Variants in MAGI1 observed in about 807,000 individuals in gnomAD.
The protein encoded by MAGI1 is membrane-associated guanylate kinase, WW and PDZ domain-containing protein 1.
Under a neutral mutation model 139.9 loss-of-function variants are expected in MAGI1, and 58 were observed. The observed-to-expected ratio is 0.41, with a 90% CI of 0.34 to 0.52. MAGI1 has a LOEUF of 0.52. Among genes scored for constraint, MAGI1 ranks in the 20% least tolerant of loss-of-function variants. The pLI, the probability that MAGI1 is intolerant of heterozygous loss-of-function variation, is 0.12. For synonymous variants in MAGI1, 812 were observed against 737.9 expected (o/e 1.10, Z -1.63); for missense variants, 1,874 against 1,901.6 (o/e 0.99, Z 0.27).
chr3:65,818,467 G>A (rs941154230), intron 1 of MAGI1, among the ~76,000 whole-genome samples: 4 of 152,168 alleles, frequency 2.6e-5, no homozygotes, highest in South Asian at 2.1e-4. Context: ...CAACCCAGAC[G>A]TGGGAGAAAG....
intron 1 of MAGI1, among the ~76,000 whole-genome samples, chr3:65,733,182 C>A (rs2034363780): frequency 6.6e-6 from 1 of 152,142 alleles, no homozygotes; most frequent in Non-Finnish European, 1.5e-5. Context: ...CCTCAGCCTC[C>A]CGAGTAGCTG....
chr3:65,720,030 T>A (rs1015726401), intron 1 of MAGI1: 1 of 152,180 alleles, frequency 6.6e-6, no homozygotes, highest in African/African-American at 2.4e-5. Flanking sequence ...GTATCTCAAT[T>A]TCTTGTGTTT....
intron 2 of MAGI1, among the ~76,000 whole-genome samples, chr3:65,604,615 C>A (rs1298502480): frequency 6.6e-6 from 1 of 151,956 alleles, no homozygotes; most frequent in Non-Finnish European, 1.5e-5. Context: ...CTTATAAGAA[C>A]CTTTGATTTC....
At chr3:65,925,046 T>G (rs2062424871) in intron 1 of MAGI1, 1 of 152,158 alleles carries the variant, frequency 6.6e-6, no homozygotes, top group South Asian at 2.1e-4. Flanking sequence ...TTTCTATCAC[T>G]GGGGGAGCTC....
At chr3:65,973,945 G>T (rs2065128303) in intron 1 of MAGI1, among the ~76,000 whole-genome samples, 1 of 152,062 alleles carries the variant, frequency 6.6e-6, no homozygotes, top group African/African-American at 2.4e-5. Context: ...AAATGCTGAT[G>T]CCATAAAATA....
At chr3:65,525,683 G>A (rs952226035) in intron 2 of MAGI1, among the ~76,000 whole-genome samples, 3 of 152,154 alleles carry the variant, frequency 2.0e-5, no homozygotes, top group African/African-American at 7.2e-5. Context: ...CCCCTGAGTT[G>A]TAAAAATTTA....
chr3:65,967,916 G>A (rs937073518), intron 1 of MAGI1, among the ~76,000 whole-genome samples: 5 of 152,154 alleles, frequency 3.3e-5, no homozygotes, highest in Admixed American at 2.6e-4. Context: ...AGTCTGCAGC[G>A]GTAATGCCCA....
rs57578782 is a variant in MAGI1, at chr3:65,929,153, C to CAA, written c.313+108841_313+108842dup. Among the ~76,000 whole-genome samples, 213 of 149,844 alleles carry CAA rather than the reference C, an allele frequency of 1.4e-3. 2 individuals are homozygous for CAA. The highest frequency in any genetic ancestry group is 4.5e-3 in the African/African-American group (183 of 40,874). On this transcript the variant is annotated intron_variant, in intron 1 of 22. Coordinates refer to ENST00000402939, the MANE Select transcript of MAGI1 (RefSeq NM_001033057.2). ...TGAGTGACAAAGGGAGACAATGCCG[C>CAA]AAAAAAAAAGAAAAAAGAAAAAAAC...
intron 22 of MAGI1, chr3:65,359,087 G>A (rs1553694678): frequency 6.2e-7 from 1 of 1,614,094 alleles, no homozygotes; most frequent in Admixed American, 1.7e-5. Context: ...TGGCCCATAA[G>A]GTAGAAGCAA....
intron 1 of MAGI1, among the ~76,000 whole-genome samples, chr3:65,705,898 A>T (rs896433959): frequency 6.6e-6 from 1 of 152,216 alleles, no homozygotes; most frequent in Non-Finnish European, 1.5e-5. Flanking sequence ...TTGGCAAAAT[A>T]AATTCTTATG....
chr3:65,962,893 T>G (rs1576279802), intron 1 of MAGI1, among the ~76,000 whole-genome samples: 1 of 100,778 alleles, frequency 9.9e-6, no homozygotes, highest in African/African-American at 3.9e-5. Flanking sequence ...AAAAAGAAAG[T>G]CACAAAAAAA....
intron 2 of MAGI1, among the ~76,000 whole-genome samples, chr3:65,575,593 G>A (rs183761115): frequency 6.2e-4 from 94 of 152,224 alleles, no homozygotes; most frequent in African/African-American, 2.2e-3. Flanking sequence ...AGCTTAATCT[G>A]TAATAGACAA....
chr3:65,946,435 T>C (rs1236087782), intron 1 of MAGI1, among the ~76,000 whole-genome samples: 1 of 152,172 alleles, frequency 6.6e-6, no homozygotes, highest in African/African-American at 2.4e-5. Flanking sequence ...TTACATCCTG[T>C]TTTGGTCCCT....
intron 1 of MAGI1, among the ~76,000 whole-genome samples, chr3:65,663,493 G>C (rs553650881): frequency 6.6e-6 from 1 of 152,266 alleles, no homozygotes; most frequent in African/African-American, 2.4e-5. Flanking sequence ...CGGAGAAGAG[G>C]AGTCAAATGT....
At chr3:65,462,022 C>T (rs1949830403) in intron 5 of MAGI1, among the ~76,000 whole-genome samples, 1 of 152,048 alleles carries the variant, frequency 6.6e-6, no homozygotes, top group South Asian at 2.1e-4. Flanking sequence ...TGGATGTTAG[C>T]CCTTTGAATG....
intron 4 of MAGI1, among the ~76,000 whole-genome samples, chr3:65,474,816 C>T (rs1287204311): frequency 6.6e-6 from 1 of 152,132 alleles, no homozygotes; most frequent in Non-Finnish European, 1.5e-5. Context: ...ATTTAAAACA[C>T]AAATAGCATA....
At chr3:65,469,723 G>A (rs1405528507) in intron 5 of MAGI1, 1 of 151,602 alleles carries the variant, frequency 6.6e-6, no homozygotes, top group African/African-American at 2.4e-5. Context: ...ACTGATAAAT[G>A]AGACTTTATC....
At chr3:65,486,616 T>C (rs1482336891) in intron 3 of MAGI1, among the ~76,000 whole-genome samples, 1 of 152,246 alleles carries the variant, frequency 6.6e-6, no homozygotes, top group East Asian at 1.9e-4. Flanking sequence ...TTGTCTTCTT[T>C]ACCTTGCTTT....
chr3:65,618,147 AT>A (rs2083470192), intron 2 of MAGI1, among the ~76,000 whole-genome samples: 1 of 152,172 alleles, frequency 6.6e-6, no homozygotes, highest in Admixed American at 6.5e-5. Context: ...ATATGTACTC[AT>A]TTATAAGAAG....
Sources: allele counts gnomAD v4.1 joint callset (sites outside exome capture counted in the v4.1 genomes callset), GRCh38; gene constraint gnomAD v4.1.1; transcripts MANE v1.5; gene names NCBI Gene and HGNC (gene_info 2026-07-23, HGNC 2026-07-21).